The following SUCLG2 variants were observed in gnomAD, a reference collection of about 807,000 sequenced individuals.
SUCLG2 encodes the protein succinate-CoA ligase GDP-forming subunit beta, also known as succinate--CoA ligase [GDP-forming] subunit beta, mitochondrial.
SUCLG2 carries 42 observed loss-of-function variants against 47.9 expected under a neutral mutation model. That is an observed-to-expected ratio of 0.88 (90% CI 0.69 to 1.14). The LOEUF (loss-of-function observed/expected upper bound fraction) is 1.14, where lower values mean the gene tolerates loss of function less well. SUCLG2 is among the 50% of genes most tolerant of loss of function. The probability of loss-of-function intolerance (pLI) is 0.00; values close to 1 mark genes in which losing one functional copy is unlikely to be tolerated. For synonymous variants in SUCLG2, 195 were observed against 197.3 expected (o/e 0.99, Z 0.10); for missense variants, 571 against 525.9 (o/e 1.09, Z -0.84).
intron 10 of SUCLG2, among the ~76,000 whole-genome samples, chr3:67,396,010 A>G (rs1170600295): frequency 1.2e-4 from 19 of 152,178 alleles, no homozygotes; most frequent in Middle Eastern, 3.2e-3. Flanking sequence ...TCTCTGGGAC[A>G]CATTCAAAGC....
intron 9 of SUCLG2, among the ~76,000 whole-genome samples, chr3:67,431,931 T>A (rs1703494662): frequency 6.6e-6 from 1 of 152,088 alleles, no homozygotes; most frequent in Admixed American, 6.5e-5. Context: ...AAATAATAAT[T>A]ACTTAGGGGT....
chr3:67,536,946 G>C lies in SUCLG2; in HGVS notation c.227-7760C>G, dbSNP rs554356922. Among the ~76,000 whole-genome samples the C allele has an allele frequency of 1.2e-4, 18 of 152,124 alleles. No homozygotes were observed. In the South Asian group the frequency reaches 3.5e-3, roughly 30 times the overall value. Reference sequence around the variant, plus strand: ...TGAAAAAACTAGAAATAATCCAAATGTCCACCAACATTTGGACACTATTGG... The same window carrying C: ...TGAAAAAACTAGAAATAATCCAAATCTCCACCAACATTTGGACACTATTGG... On this transcript the variant is annotated intron_variant, in intron 2 of 10. Transcript: ENST00000307227.
At chr3:67,507,091 G>T (rs902442366) in intron 7 of SUCLG2, among the ~76,000 whole-genome samples, 43 of 152,118 alleles carry the variant, frequency 2.8e-4, no homozygotes, top group Non-Finnish European at 2.9e-4. Context: ...CAATATGAAA[G>T]AATATAGGTA....
At chr3:67,649,158 T>A (rs1701242621) in intron 1 of SUCLG2, among the ~76,000 whole-genome samples, 1 of 152,128 alleles carries the variant, frequency 6.6e-6, no homozygotes, top group African/African-American at 2.4e-5. Flanking sequence ...CAATGAATGA[T>A]CAGAGGGAAT....
At chr3:67,454,918 C>T (rs968052016) in intron 9 of SUCLG2, among the ~76,000 whole-genome samples, 24 of 145,326 alleles carry the variant, frequency 1.7e-4, no homozygotes, top group African/African-American at 6.0e-4. Context: ...GCAGAGATGG[C>T]GCCACTGCAC....
At chr3:67,543,479 C>A (rs549915054) in intron 2 of SUCLG2, among the ~76,000 whole-genome samples, 1 of 152,194 alleles carries the variant, frequency 6.6e-6, no homozygotes, top group East Asian at 1.9e-4. Context: ...CAAGCCTGGG[C>A]AACATGGTGA....
intron 10 of SUCLG2, among the ~76,000 whole-genome samples, chr3:67,377,757 G>T (rs1373848093): frequency 6.6e-6 from 1 of 152,098 alleles, no homozygotes; most frequent in African/African-American, 2.4e-5. Flanking sequence ...GTGCCCAAGT[G>T]ATCCTTCTAC....
At chr3:67,570,629 T>G (rs987742213) in intron 2 of SUCLG2, among the ~76,000 whole-genome samples, 1 of 152,172 alleles carries the variant, frequency 6.6e-6, no homozygotes, top group Non-Finnish European at 1.5e-5. Flanking sequence ...TGATCATGCC[T>G]ATATAGTGAA....
rs1225406275 is a variant in SUCLG2, at chr3:67,654,137, A to T, written c.84+366T>A. Among the ~76,000 whole-genome samples, 3 of 152,342 alleles carry T rather than the reference A, an allele frequency of 2.0e-5. No individual in the cohort carries two copies. The East Asian group carries it at 5.8e-4, about 29-fold the overall frequency. ...TTAGTGCCAGAAGTTTGAAAAGCAG[A>T]ATTAGTAGAGCTGACAATAAAACCT... On this transcript the variant is annotated intron_variant, in intron 1 of 10. Transcript: ENST00000307227.
At chr3:67,560,804 C>A (rs964163622) in intron 2 of SUCLG2, among the ~76,000 whole-genome samples, 11 of 151,818 alleles carry the variant, frequency 7.2e-5, no homozygotes, top group Non-Finnish European at 1.2e-4. Context: ...CCTGGAACCA[C>A]AAACTCTCCC....
rs527413809 is a variant in SUCLG2 at position 67,482,378 on chromosome 3, A to G, written c.1062+13420T>C. On this transcript the variant is annotated intron_variant, in intron 9 of 10. Transcript: ENST00000307227. ...GTAGGATAAATTGGTGCAACTTTCAATTGGCAGTGCCTTTAAGGAAGTACC... is the reference window on the plus strand; with the variant it reads ...GTAGGATAAATTGGTGCAACTTTCAGTTGGCAGTGCCTTTAAGGAAGTACC... Among the ~76,000 whole-genome samples the G allele has an allele frequency of 2.0e-5, 3 of 152,320 alleles. No individual in the cohort carries two copies. In the East Asian group the frequency reaches 5.8e-4, roughly 29 times the overall value.
intron 2 of SUCLG2, among the ~76,000 whole-genome samples, chr3:67,586,010 C>T (rs1708011040): frequency 1.3e-5 from 2 of 149,866 alleles, no homozygotes; most frequent in Admixed American, 1.3e-4. Flanking sequence ...ACAAAGACTC[C>T]TGCTTTATTT....
At chr3:67,522,656 T>C (rs1267643912) in intron 4 of SUCLG2, among the ~76,000 whole-genome samples, 4 of 150,682 alleles carry the variant, frequency 2.7e-5, no homozygotes, top group Admixed American at 2.0e-4. Flanking sequence ...ACATTGCTTT[T>C]CTTTCTTTTT....
intron 8 of SUCLG2, 72 bp from the exon 9 acceptor site, chr3:67,496,012 C>T (rs1705331227): frequency 1.3e-6 from 2 of 1,578,786 alleles, no homozygotes; most frequent in Admixed American, 1.7e-5. Flanking sequence ...CATTTTCCCT[C>T]CCCCATATTG....
chr3:67,503,599 C>T (rs904996712), intron 7 of SUCLG2, among the ~76,000 whole-genome samples: 1 of 152,130 alleles, frequency 6.6e-6, no homozygotes, highest in African/African-American at 2.4e-5. Flanking sequence ...TGGTCCGGAC[C>T]TTAAGATTGT....
chr3:67,637,046 G>T (rs1398518066), intron 1 of SUCLG2, among the ~76,000 whole-genome samples: 1 of 152,092 alleles, frequency 6.6e-6, no homozygotes, highest in African/African-American at 2.4e-5. Flanking sequence ...TCTACGACAG[G>T]AAGAGAGAGG....
intron 2 of SUCLG2, among the ~76,000 whole-genome samples, chr3:67,605,057 CA>C (rs1404288880): frequency 2.0e-5 from 3 of 152,124 alleles, no homozygotes; most frequent in Non-Finnish European, 4.4e-5. Context: ...CTGCCACTGA[CA>C]ACAATGATGA....
chr3:67,564,741 T>C (rs987501105), intron 2 of SUCLG2, among the ~76,000 whole-genome samples: 1 of 152,206 alleles, frequency 6.6e-6, no homozygotes, highest in Non-Finnish European at 1.5e-5. Flanking sequence ...CTATTGTTAG[T>C]GTGTTTTATA....
intron 6 of SUCLG2, among the ~76,000 whole-genome samples, chr3:67,511,693 T>G (rs964711417): frequency 6.6e-6 from 1 of 152,228 alleles, no homozygotes; most frequent in Non-Finnish European, 1.5e-5. Flanking sequence ...CACTCACATA[T>G]AGTTTTAATT....
Sources: gnomAD v4.1 joint callset for allele counts (sites outside exome capture counted in the v4.1 genomes callset) on GRCh38, gnomAD v4.1.1 for gene constraint, MANE v1.5 for transcripts, NCBI Gene and HGNC (gene_info 2026-07-23, HGNC 2026-07-21) for gene names.